ZKSCAN3: variants seen among roughly 807,000 people sequenced by gnomAD.
The protein encoded by ZKSCAN3 is zinc finger with KRAB and SCAN domains 3.
A neutral mutation model predicts 30.7 loss-of-function variants in ZKSCAN3; 21 were observed. The ratio of observed to expected loss-of-function variants is 0.68; its 90% CI spans 0.49 to 0.99. The LOEUF (loss-of-function observed/expected upper bound fraction) is 0.99, where lower values mean the gene tolerates loss of function less well. Ranked by LOEUF, ZKSCAN3 falls within the 50% of genes least tolerant of loss-of-function variation. ZKSCAN3 has a pLI of 0.00. For synonymous variants in ZKSCAN3, 201 were observed against 246.7 expected (o/e 0.81, Z 1.73); for missense variants, 507 against 647.1 (o/e 0.78, Z 2.35).
Position 28,363,847 on chromosome 6 carries a change from G to A in ZKSCAN3, c.757+32G>A, listed in dbSNP as rs780279175. 3.1e-6 allele frequency: 5 copies of A among 1,608,548 alleles called. No homozygotes were observed. The African/African-American group carries it at 6.7e-5, about 22-fold the overall frequency. ...CTAAAGGACACTAATTTCTGTTAAG[G>A]TTTCTTGGCATTCTTTGTATATTAG... On this transcript the variant is annotated intron_variant, in intron 5 of 5. Transcript: ENST00000252211.
chr6:28,355,808 C>G (rs921670300), intron 1 of ZKSCAN3: 1 of 152,316 alleles, frequency 6.6e-6, no homozygotes, highest in African/African-American at 2.4e-5. Context: ...GTTCCTGGCT[C>G]TCTGGAGCAA....
chr6:28,366,337 A>C lies in ZKSCAN3; in HGVS notation c.*52A>C. ...GCTCATTTGTCACTGATCTGAAGCCACTCCCCCTGGAGTCTCAACTATAGA... is the reference window on the plus strand; with the variant it reads ...GCTCATTTGTCACTGATCTGAAGCCCCTCCCCCTGGAGTCTCAACTATAGA... On this transcript the variant is annotated 3_prime_UTR_variant, in exon 6 of 6. Transcript: ENST00000252211. 1 of 1,476,304 alleles carries C rather than the reference A, an allele frequency of 6.8e-7. No homozygotes were observed. Among genetic ancestry groups the C allele is most frequent in the South Asian group, 1.6e-5 (1 of 64,042 alleles). 91.5% of individuals were successfully genotyped at this position (1,476,304 alleles called of 1,614,324 possible). A position where few individuals can be genotyped will look rare whatever the true frequency, so the allele number is the denominator to read the frequency against.
At position 28,366,053 on chromosome 6, in the gene ZKSCAN3, C is replaced by G; in HGVS notation, c.1385C>G (p.Ala462Gly). ...KNVQEPEQGE[A>G]WKSRMESQLE... ...GTTCAGGAACCTGAGCAGGGAGAGG[C>G]CTGGAAAAGTAGGATGGAAAGCCAG... The change falls in exon 6 of 6, where the codon GCC becomes GGC. Residue 462 changes from alanine to glycine, a missense_variant. By Grantham distance (60) the Ala-to-Gly change is moderately conservative (BLOSUM62 0). Coordinates refer to ENST00000252211, the MANE Select transcript of ZKSCAN3 (RefSeq NM_024493.4). The G allele has an allele frequency of 6.2e-7, 1 of 1,609,568 alleles. No homozygotes were observed. The highest frequency in any genetic ancestry group is 8.5e-7 in the Non-Finnish European group (1 of 1,178,218).
intron 1 of ZKSCAN3, chr6:28,355,203 C>T (rs1765341954): frequency 6.6e-6 from 1 of 152,170 alleles, no homozygotes; most frequent in Admixed American, 6.5e-5. Flanking sequence ...TGTAATTGTG[C>T]TTCTAAGGGA....
intron 1 of ZKSCAN3, among the ~76,000 whole-genome samples, chr6:28,350,552 G>A (rs1382355225): frequency 6.6e-6 from 1 of 152,118 alleles, no homozygotes; most frequent in African/African-American, 2.4e-5. Context: ...TTGTAAAATG[G>A]GGATAATATT....
intron 1 of ZKSCAN3, among the ~76,000 whole-genome samples, chr6:28,359,032 A>G (rs186959803): frequency 2.0e-5 from 3 of 151,908 alleles, no homozygotes; most frequent in Non-Finnish European, 4.4e-5. Context: ...GGGCTGGGCT[A>G]TTATCTGGAG....
At chr6:28,354,567 G>C (rs1297336457) in intron 1 of ZKSCAN3, among the ~76,000 whole-genome samples, 1 of 152,150 alleles carries the variant, frequency 6.6e-6, no homozygotes, top group Non-Finnish European at 1.5e-5. Flanking sequence ...TGTATACATA[G>C]AGGCTTGACA....
chr6:28,354,738 G>C (rs902189708), intron 1 of ZKSCAN3, among the ~76,000 whole-genome samples: 3 of 152,188 alleles, frequency 2.0e-5, no homozygotes, highest in African/African-American at 7.2e-5. Flanking sequence ...GTGTTGGGGC[G>C]GGCAACAACA....
Position 28,366,020 on chromosome 6 carries a change from A to C in ZKSCAN3, c.1352A>C (p.Asp451Ala), listed in dbSNP as rs774000368. Residue 451 changes from aspartate to alanine, a missense_variant, in exon 6 of 6, where the codon GAT (aspartate) becomes GCT (alanine). By Grantham distance (126) the Asp-to-Ala change is moderately radical. Transcript: ENST00000252211. ...AGACATCAGAGGATCCATACTGGGGATAAAAATGTTCAGGAACCTGAGCAG... is the reference window on the plus strand; with the variant it reads ...AGACATCAGAGGATCCATACTGGGGCTAAAAATGTTCAGGAACCTGAGCAG... The part of the protein sequence containing the change: ...LLRHQRIHTG[D>A]KNVQEPEQGE... 6.2e-7 allele frequency: 1 copy of C among 1,613,092 alleles called. No homozygotes were observed. Among genetic ancestry groups the C allele is most frequent in the Non-Finnish European group, 8.5e-7 (1 of 1,179,642 alleles).
Sources: gnomAD v4.1 joint callset for allele counts (sites outside exome capture counted in the v4.1 genomes callset) on GRCh38, gnomAD v4.1.1 for gene constraint, MANE v1.5 for transcripts, NCBI Gene and HGNC (gene_info 2026-07-23, HGNC 2026-07-21) for gene names.